The following STARD8 variants were observed in gnomAD, a reference collection of about 807,000 sequenced individuals.
STARD8 encodes the protein stAR-related lipid transfer protein 8.
STARD8 carries 25 observed loss-of-function variants against 69.4 expected under a neutral mutation model. The observed-to-expected ratio is 0.36, with a 90% CI of 0.26 to 0.50. The LOEUF (loss-of-function observed/expected upper bound fraction) is 0.50, where lower values mean the gene tolerates loss of function less well. STARD8 is among the 20% of genes least tolerant of loss of function. The pLI, the probability that STARD8 is intolerant of heterozygous loss-of-function variation, is 0.96. For synonymous variants in STARD8, 389 were observed against 374.6 expected, an observed-to-expected ratio of 1.04 and a Z score of -0.45; for missense variants, 921 against 932.5, an observed-to-expected ratio of 0.99 and a Z score of 0.16.
intron 2 of STARD8, among the ~76,000 whole-genome samples, chrX:68,704,884 C>G (rs1332602966): frequency 8.9e-6 from 1 of 111,807 alleles, no homozygotes; most frequent in African/African-American, 3.3e-5. Flanking sequence ...GAGGTAATGG[C>G]TTGCCTGAGG....
chrX:68,668,487 C>T (rs1380543620), intron 2 of STARD8, among the ~76,000 whole-genome samples: 1 of 109,386 alleles, frequency 9.1e-6, no homozygotes, highest in African/African-American at 3.3e-5. Flanking sequence ...TCGCCACGCC[C>T]AGCTCATCTT....
At chrX:68,711,288 CAG>C (rs1056953851) in intron 2 of STARD8, among the ~76,000 whole-genome samples, 1 of 108,007 alleles carries the variant, frequency 9.3e-6, no homozygotes, top group South Asian at 3.9e-4. Context: ...GACAGAGAGA[CAG>C]AGAGAGAAAG....
intron 1 of STARD8, among the ~76,000 whole-genome samples, chrX:68,662,521 C>T (rs755125894): frequency 3.6e-5 from 4 of 111,872 alleles, no homozygotes; most frequent in Non-Finnish European, 7.5e-5. Context: ...AGATTCATTT[C>T]CCACTCTCTG....
rs186822055 is a variant in STARD8, at chrX:68,711,586, A to G, written c.80-1328A>G. ...TCAGTGTGTGACCCTTGAGGAGCCCATTACTTTTTCTGACTGACTTCTGAC... is the reference window on the plus strand; with the variant it reads ...TCAGTGTGTGACCCTTGAGGAGCCCGTTACTTTTTCTGACTGACTTCTGAC... On this transcript the variant is annotated intron_variant, in intron 2 of 14. Transcript: ENST00000374599. Among the ~76,000 whole-genome samples the G allele has an allele frequency of 1.0e-2, 1,114 of 111,637 alleles. 12 individuals carry two copies. Among genetic ancestry groups the G allele is most frequent in the African/African-American group, 0.035 (1,063 of 30,706 alleles).
At chrX:68,698,955 T>TGTTC (rs1359202944) in intron 2 of STARD8, among the ~76,000 whole-genome samples, 6 of 111,929 alleles carry the variant, frequency 5.4e-5, no homozygotes, top group Non-Finnish European at 1.1e-4. Flanking sequence ...AGACACTGAA[T>TGTTC]GTTCTCAGCT....
chrX:68,653,483 ACCCCACACCCCT>A (rs2079588438), intron 1 of STARD8, among the ~76,000 whole-genome samples: 1 of 22,530 alleles, frequency 4.4e-5, no homozygotes, highest in South Asian at 2.8e-3. Flanking sequence ...CCACACACAC[ACCCCACACCCCT>A]CACACACACC....
At chrX:68,710,626 G>A (rs183578964) in intron 2 of STARD8, among the ~76,000 whole-genome samples, 111 of 112,151 alleles carry the variant, frequency 9.9e-4, no homozygotes, top group African/African-American at 3.4e-3. Context: ...CTAGCATCAG[G>A]GGAGGGAGGT....
At chrX:68,667,560 C>T (rs936874517) in intron 2 of STARD8, among the ~76,000 whole-genome samples, 5 of 111,540 alleles carry the variant, frequency 4.5e-5, no homozygotes, top group Non-Finnish European at 9.4e-5. Context: ...AATACAAAGT[C>T]TCTTCTCACC....
Position 68,724,092 on chromosome X carries a change from G to A in STARD8, c.3165G>A (p.Arg1055=). The A allele has an allele frequency of 8.3e-7, 1 of 1,211,282 alleles. No individual in the cohort carries two copies. The highest frequency in any genetic ancestry group is 1.1e-6 in the Non-Finnish European group (1 of 895,338). The change falls in exon 14 of 15, where the codon CGG becomes CGA. Residue 1055 remains arginine (R), a synonymous_variant. Coordinates refer to ENST00000374599, the MANE Select transcript of STARD8 (RefSeq NM_001142503.3). The stretch of plus-strand genomic sequence containing the variant: ...AGCCTTGCGGCTTGGGCCGCTCTCG[G>A]CTCACACACATCTGCCGGGCTGACC... ...LMEPCGLGRS[R]LTHICRADLR...
At chrX:68,678,390 C>A (rs183048424) in intron 2 of STARD8, among the ~76,000 whole-genome samples, 36 of 111,773 alleles carry the variant, frequency 3.2e-4, no homozygotes, top group Non-Finnish European at 4.5e-4. Context: ...GAAGGCCAAA[C>A]CAGACGAATG....
intron 1 of STARD8, among the ~76,000 whole-genome samples, chrX:68,655,832 C>T (rs1432306237): frequency 8.9e-6 from 1 of 111,821 alleles, no homozygotes; most frequent in East Asian, 2.8e-4. Context: ...CACCTCTCCT[C>T]AGTGGATAAG....
chrX:68,687,346 T>C (rs186409948), intron 2 of STARD8, among the ~76,000 whole-genome samples: 1 of 111,005 alleles, frequency 9.0e-6, no homozygotes, highest in Admixed American at 9.6e-5. Flanking sequence ...GAAAAAAAAG[T>C]TTTGGGGTAC....
chrX:68,665,182 C>T (rs2079675312), intron 1 of STARD8, among the ~76,000 whole-genome samples: 1 of 111,907 alleles, frequency 8.9e-6, no homozygotes. Context: ...CTTATCAGGC[C>T]TCGGAACAGT....
chrX:68,707,229 G>A (rs1243103955), intron 2 of STARD8, among the ~76,000 whole-genome samples: 2 of 112,461 alleles, frequency 1.8e-5, no homozygotes, highest in Non-Finnish European at 3.8e-5. Flanking sequence ...AGGCCACCAC[G>A]TGTTTAAAGT....
chrX:68,652,979 C>A (rs1451360071), intron 1 of STARD8, among the ~76,000 whole-genome samples: 1 of 61,168 alleles, frequency 1.6e-5, no homozygotes, highest in African/African-American at 6.5e-5. Context: ...ACACCACACA[C>A]CACACACACA....
chrX:68,712,097 G>A (rs956899001), intron 2 of STARD8, among the ~76,000 whole-genome samples: 4 of 112,578 alleles, frequency 3.6e-5, no homozygotes, highest in African/African-American at 1.3e-4. Flanking sequence ...GCTCAGCTCT[G>A]TGCCAGAACT....
intron 1 of STARD8, among the ~76,000 whole-genome samples, chrX:68,653,136 A>C (rs2079574549): frequency 1.2e-5 from 1 of 81,071 alleles, no homozygotes; most frequent in South Asian, 6.8e-4. Context: ...CACACACCAC[A>C]CACCACACAC....
At chrX:68,705,269 G>A (rs1311869001) in intron 2 of STARD8, among the ~76,000 whole-genome samples, 1 of 111,862 alleles carries the variant, frequency 8.9e-6, no homozygotes, top group Non-Finnish European at 1.9e-5. Flanking sequence ...CTTTGGTCCT[G>A]CCATACCAAG....
intron 2 of STARD8, among the ~76,000 whole-genome samples, chrX:68,705,676 G>A (rs1355947973): frequency 1.8e-5 from 2 of 112,477 alleles, no homozygotes; most frequent in Non-Finnish European, 3.8e-5. Context: ...TCAGGATCTC[G>A]TGCTTCAGAT....
Sources: allele counts gnomAD v4.1 joint callset (sites outside exome capture counted in the v4.1 genomes callset), GRCh38; gene constraint gnomAD v4.1.1; transcripts MANE v1.5; gene names NCBI Gene and HGNC (gene_info 2026-07-23, HGNC 2026-07-21).